Variants in KDM5A observed in about 807,000 individuals in gnomAD.
The protein encoded by KDM5A is lysine-specific demethylase 5A.
Under a neutral mutation model 193.5 loss-of-function variants are expected in KDM5A, and 42 were observed. The ratio of observed to expected loss-of-function variants is 0.22; its 90% CI spans 0.17 to 0.28. The LOEUF (loss-of-function observed/expected upper bound fraction) is 0.28. KDM5A is among the 10% of genes least tolerant of loss of function. The pLI, the probability that KDM5A is intolerant of heterozygous loss-of-function variation, is 1.00. For synonymous variants in KDM5A, 796 were observed against 718.1 expected (o/e 1.11, Z -1.73); for missense variants, 1,692 against 2,055.1 (o/e 0.82, Z 3.42).
At chr12:299,597 C>A (rs900062142) in intron 24 of KDM5A, among the ~76,000 whole-genome samples, 1 of 152,144 alleles carries the variant, frequency 6.6e-6, no homozygotes. Flanking sequence ...AAAAAACATA[C>A]CAAATCGTAA....
chr12:302,295 A>G (rs560502085), intron 24 of KDM5A, among the ~76,000 whole-genome samples: 1 of 152,336 alleles, frequency 6.6e-6, no homozygotes, highest in African/African-American at 2.4e-5. Flanking sequence ...ACAGTAACAA[A>G]AACAGCATGG....
At chr12:381,788 TA>T (rs1944576359) in intron 3 of KDM5A, among the ~76,000 whole-genome samples, 2 of 147,152 alleles carry the variant, frequency 1.4e-5, no homozygotes, top group Non-Finnish European at 3.0e-5. Flanking sequence ...AAATGTATCA[TA>T]AAAGATAATT....
chr12:318,378 C>G lies in KDM5A; in HGVS notation c.2625G>C (p.Gln875His), dbSNP rs773776448. ...GACTAGAGCCCATATCTATCAACAT[C>G]TGGAGTTTGGAAGAATCTGGGGTTT... ...MDETPDSSKL[Q>H]MLIDMGSSLY... The change falls in exon 19 of 28, where the codon CAG becomes CAC. Residue 875 changes from glutamine (Q) to histidine (H), a missense_variant. Physicochemically the swap from Gln to His is conservative, Grantham distance 24 (BLOSUM62 0). Coordinates refer to ENST00000399788, the MANE Select transcript of KDM5A (RefSeq NM_001042603.3). 1 of 1,614,064 alleles carries G rather than the reference C, an allele frequency of 6.2e-7. No homozygotes were observed. The highest frequency in any genetic ancestry group is 8.5e-7 in the Non-Finnish European group (1 of 1,180,030).
chr12:376,995 G>C (rs1944513469), intron 3 of KDM5A, among the ~76,000 whole-genome samples: 1 of 151,536 alleles, frequency 6.6e-6, no homozygotes, highest in Admixed American at 6.6e-5. Context: ...ACCTGGAAAG[G>C]CTTCAGAGGA....
At chr12:350,505 T>C in intron 10 of KDM5A, 116 bp downstream of exon 10, 2 of 985,176 alleles carry the variant, frequency 2.0e-6, no homozygotes, top group South Asian at 2.7e-5. Context: ...GAAGATTATT[T>C]ATACTGCCAA....
chr12:339,936 A>G (rs1943979732), intron 10 of KDM5A, among the ~76,000 whole-genome samples: 1 of 149,678 alleles, frequency 6.7e-6, no homozygotes. Context: ...GTGCAGTGGC[A>G]TGATCACAGG....
At chr12:353,793 G>C (rs925417149) in intron 8 of KDM5A, among the ~76,000 whole-genome samples, 1 of 151,906 alleles carries the variant, frequency 6.6e-6, no homozygotes, top group African/African-American at 2.4e-5. Context: ...GTGGTGGCTC[G>C]CGCCTGTAGT....
intron 10 of KDM5A, among the ~76,000 whole-genome samples, chr12:335,026 A>G (rs1387862954): frequency 1.3e-5 from 2 of 152,098 alleles, no homozygotes; most frequent in African/African-American, 2.4e-5. Context: ...AATTATAACA[A>G]TAAGACTGAC....
intron 19 of KDM5A, among the ~76,000 whole-genome samples, chr12:316,524 G>A (rs1219262407): frequency 1.3e-5 from 2 of 152,182 alleles, no homozygotes; most frequent in African/African-American, 4.8e-5. Context: ...AGAACCTGGT[G>A]ACTGATTAAA....
rs780825882 is a variant in KDM5A at position 307,312 on chromosome 12, T to C, written c.3930+142A>G. On this transcript the variant is annotated intron_variant, in intron 23 of 27. Transcript: ENST00000399788. This position sits in a 1 kb window ranked among gnomAD's most constrained non-coding sequence, Gnocchi z 4.3. ...TACGTATCCAAAAAAAGTGCTATAGTGTATGTTGAAGGAGAATGCAATGGA... is the reference window on the plus strand; with the variant it reads ...TACGTATCCAAAAAAAGTGCTATAGCGTATGTTGAAGGAGAATGCAATGGA... The C allele has an allele frequency of 2.4e-5, 25 of 1,025,528 alleles. No individual in the cohort carries two copies. The highest frequency in any genetic ancestry group is 3.4e-5 in the Non-Finnish European group (23 of 674,822). 63.5% of individuals were successfully genotyped at this position (1,025,528 alleles called of 1,614,324 possible).
intron 10 of KDM5A, among the ~76,000 whole-genome samples, chr12:348,097 G>C (rs1438888870): frequency 1.3e-5 from 2 of 152,022 alleles, no homozygotes; most frequent in East Asian, 3.8e-4. Flanking sequence ...TCAAAAAGTG[G>C]GCAAAGGATA....
intron 14 of KDM5A, among the ~76,000 whole-genome samples, chr12:326,983 T>C (rs1943798037): frequency 6.6e-6 from 1 of 150,528 alleles, no homozygotes; most frequent in African/African-American, 2.4e-5. Context: ...ACAATGATAA[T>C]GAAGGGATAA....
intron 3 of KDM5A, among the ~76,000 whole-genome samples, chr12:378,626 G>C (rs1176688610): frequency 6.6e-6 from 1 of 152,136 alleles, no homozygotes; most frequent in Non-Finnish European, 1.5e-5. Context: ...TAACAAGAAG[G>C]GCTAGACTGA....
At chr12:292,547 A>G (rs574527229) in intron 27 of KDM5A, among the ~76,000 whole-genome samples, 1 of 152,338 alleles carries the variant, frequency 6.6e-6, no homozygotes, top group African/African-American at 2.4e-5. Flanking sequence ...CATTATGTTC[A>G]TTAAGTATAT....
intron 3 of KDM5A, among the ~76,000 whole-genome samples, chr12:371,979 C>T (rs991446807): frequency 6.6e-6 from 1 of 152,154 alleles, no homozygotes; most frequent in African/African-American, 2.4e-5. Context: ...GGTACCAGTA[C>T]CATGCTGTTT....
At chr12:327,017 C>T (rs897244761) in intron 14 of KDM5A, among the ~76,000 whole-genome samples, 4 of 151,866 alleles carry the variant, frequency 2.6e-5, no homozygotes, top group East Asian at 1.9e-4. Flanking sequence ...CTGCTGACCA[C>T]GGGAAAACCA....
chr12:300,997 G>A (rs1240058797), intron 24 of KDM5A, among the ~76,000 whole-genome samples: 1 of 152,294 alleles, frequency 6.6e-6, no homozygotes, highest in East Asian at 1.9e-4. Flanking sequence ...TTGAATCCCT[G>A]AATAGACCAA....
chr12:306,115 G>A (rs1227323120), intron 24 of KDM5A, among the ~76,000 whole-genome samples: 1 of 151,802 alleles, frequency 6.6e-6, no homozygotes, highest in African/African-American at 2.4e-5. Context: ...GGGACTACAG[G>A]TGTGTGCTAC....
chr12:314,922 G>T (rs1454527971), intron 19 of KDM5A, among the ~76,000 whole-genome samples: 1 of 152,240 alleles, frequency 6.6e-6, no homozygotes, highest in Non-Finnish European at 1.5e-5. Flanking sequence ...CTAGATGACA[G>T]ATGGCCTTAT....
Sources: gnomAD v4.1 joint callset for allele counts (sites outside exome capture counted in the v4.1 genomes callset) on GRCh38, gnomAD v4.1.1 for gene constraint, Gnocchi (gnomAD v3.1) non-coding constraint, MANE v1.5 for transcripts, NCBI Gene and HGNC (gene_info 2026-07-23, HGNC 2026-07-21) for gene names.